The following GPHN variants were observed in gnomAD, a reference collection of about 807,000 sequenced individuals.
GPHN encodes gephyrin.
GPHN carries 17 observed loss-of-function variants against 95.5 expected under a neutral mutation model. That is an observed-to-expected ratio of 0.18 (90% CI 0.12 to 0.27). The LOEUF is 0.27. Ranked by LOEUF, GPHN falls within the 10% of genes least tolerant of loss-of-function variation. The pLI is 1.00. For synonymous variants in GPHN, 320 were observed against 322.5 expected, an observed-to-expected ratio of 0.99 and a Z score of 0.08; for missense variants, 660 against 978.1, an observed-to-expected ratio of 0.67 and a Z score of 4.34.
chr14:66,592,475 G>A (rs571722137), intron 1 of GPHN, among the ~76,000 whole-genome samples: 195 of 147,492 alleles, frequency 1.3e-3, no homozygotes, highest in African/African-American at 4.4e-3. Flanking sequence ...AAAAAACCCC[G>A]TCAAGAAGTG....
At position 66,650,892 on chromosome 14, in the gene GPHN, A is replaced by G. The variant is rs148271908; in HGVS notation, c.65-30215A>G. Among the ~76,000 whole-genome samples the G allele has an allele frequency of 9.4e-4, 143 of 152,280 alleles. 1 individual carries two copies. The East Asian group carries it at 0.023, about 24-fold the overall frequency. On this transcript the variant is annotated intron_variant, in intron 1 of 22. Transcript: ENST00000478722. ...AGAGGTCGCTTCTGAATGTGAGCCT[A>G]CACACCCTGTTATCCTTAGAGAAAT... is the stretch of plus-strand genomic sequence containing the variant.
downstream of GPHN, among the ~76,000 whole-genome samples, chr14:67,185,907 C>T (rs1401656182): frequency 6.6e-6 from 1 of 152,068 alleles, no homozygotes; most frequent in Non-Finnish European, 1.5e-5. Flanking sequence ...AGTAAATAAA[C>T]TGTATGTCTT....
intron 8 of GPHN, among the ~76,000 whole-genome samples, chr14:66,936,673 A>T (rs978974083): frequency 6.6e-6 from 1 of 152,256 alleles, no homozygotes; most frequent in Non-Finnish European, 1.5e-5. Flanking sequence ...AATATGTGCC[A>T]AAGATTTTAT....
chr14:66,539,291 G>A (rs926328124), intron 1 of GPHN, among the ~76,000 whole-genome samples: 4 of 151,950 alleles, frequency 2.6e-5, no homozygotes, highest in African/African-American at 9.7e-5. Context: ...TGCCCTTCTA[G>A]CACGTCTCCC....
At chr14:67,321,074 C>A in the GPHN span, 2 of 1,614,016 alleles carry the variant, frequency 1.2e-6, no homozygotes, top group Non-Finnish European at 1.7e-6. Flanking sequence ...CCGGAGTAGG[C>A]GAGACCAAGA....
chr14:66,700,035 T>C (rs2068415914), intron 2 of GPHN, among the ~76,000 whole-genome samples: 1 of 152,178 alleles, frequency 6.6e-6, no homozygotes, highest in Non-Finnish European at 1.5e-5. Context: ...ATAGGAACTT[T>C]TCCTTTTGGA....
the GPHN span, chr14:67,573,682 A>G: frequency 1.9e-5 from 14 of 752,640 alleles, no homozygotes; most frequent in Non-Finnish European, 3.1e-5. This position sits in a 1 kb window ranked among gnomAD's most constrained non-coding sequence, Gnocchi z 4.8. Flanking sequence ...TAACACAGCC[A>G]GAATGCTGGG....
intron 2 of GPHN, among the ~76,000 whole-genome samples, chr14:66,717,404 A>G (rs1007951925): frequency 1.3e-5 from 2 of 151,522 alleles, no homozygotes; most frequent in South Asian, 4.2e-4. Flanking sequence ...TTCACTTCTT[A>G]TATCATTTTT....
chr14:66,961,900 G>GTATATGTGTATA (rs2068930340), intron 8 of GPHN, among the ~76,000 whole-genome samples: 1 of 52,958 alleles, frequency 1.9e-5, no homozygotes, highest in Non-Finnish European at 4.4e-5. Flanking sequence ...CCCTGAATGT[G>GTATATGTGTATA]TATATATATA....
intron 1 of GPHN, among the ~76,000 whole-genome samples, chr14:66,564,118 C>G (rs1031599935): frequency 1.3e-5 from 2 of 151,958 alleles, no homozygotes; most frequent in Non-Finnish European, 2.9e-5. Flanking sequence ...AATGTGATTC[C>G]TTATTAAATT....
intron 11 of GPHN, among the ~76,000 whole-genome samples, chr14:67,086,999 C>T (rs1358424284): frequency 6.9e-6 from 1 of 145,604 alleles, no homozygotes; most frequent in Non-Finnish European, 1.5e-5. Flanking sequence ...GATCCCACCA[C>T]TGCACTCCAA....
At chr14:67,348,667 G>A in the GPHN span, among the ~76,000 whole-genome samples, 7 of 151,114 alleles carry the variant, frequency 4.6e-5, no homozygotes, top group East Asian at 3.9e-4. Flanking sequence ...GGCTACAGGC[G>A]CGTGCCACCA....
chr14:67,724,309 G>A, the GPHN span, among the ~76,000 whole-genome samples: 1 of 151,972 alleles, frequency 6.6e-6, no homozygotes, highest in African/African-American at 2.4e-5. Context: ...CTTGCCCCAT[G>A]GAAAAATGTT....
chr14:66,996,261 C>T (rs1405494552), intron 9 of GPHN: 23 of 1,175,848 alleles, frequency 2.0e-5, no homozygotes, highest in South Asian at 2.6e-5. Flanking sequence ...ATAACATGCT[C>T]GCCCTCACCA....
chr14:67,620,020 G>C, the GPHN span: 1 of 1,611,804 alleles, frequency 6.2e-7, no homozygotes, highest in African/African-American at 1.3e-5. Flanking sequence ...CCAGACGCGA[G>C]TGCATTCCAT....
At chr14:67,141,791 C>T (rs535211546) in intron 17 of GPHN, among the ~76,000 whole-genome samples, 3 of 152,152 alleles carry the variant, frequency 2.0e-5, no homozygotes, top group Admixed American at 6.5e-5. Context: ...CTCTGTCACA[C>T]CTGGATAAAA....
At chr14:66,582,833 C>A (rs1217481168) in intron 1 of GPHN, among the ~76,000 whole-genome samples, 1 of 151,920 alleles carries the variant, frequency 6.6e-6, no homozygotes, top group Admixed American at 6.6e-5. Flanking sequence ...TGAATAGTGC[C>A]GCAATAAACA....
rs866841287 is a variant in GPHN at position 66,545,743 on chromosome 14, C to T, written c.64+37152C>T. On this transcript the variant is annotated intron_variant, in intron 1 of 22. Transcript: ENST00000478722. ...GGCTGGCCGGGCGGGGGGCTGACCCCCCCACCTCCCTCCCGGACGGGGCAG... is the reference window on the plus strand; with the variant it reads ...GGCTGGCCGGGCGGGGGGCTGACCCTCCCACCTCCCTCCCGGACGGGGCAG... 2.5e-3 allele frequency among the ~76,000 whole-genome samples: 362 copies of T among 145,930 alleles called. 2 individuals carry two copies. The highest frequency in any genetic ancestry group is 8.8e-3 in the African/African-American group (340 of 38,770).
At chr14:67,279,022 C>T in the GPHN span, 2 of 712,470 alleles carry the variant, frequency 2.8e-6, no homozygotes, top group South Asian at 3.4e-5. Context: ...CCTTAGATTT[C>T]CTTCATGGAT....
Sources: allele counts gnomAD v4.1 joint callset (sites outside exome capture counted in the v4.1 genomes callset), GRCh38; gene constraint gnomAD v4.1.1; non-coding constraint Gnocchi (gnomAD v3.1); transcripts MANE v1.5; gene names NCBI Gene and HGNC (gene_info 2026-07-23, HGNC 2026-07-21).